The following USP34 variants were observed in gnomAD, a reference collection of about 807,000 sequenced individuals.
The protein encoded by USP34 is ubiquitin carboxyl-terminal hydrolase 34.
A neutral mutation model predicts 460.3 loss-of-function variants in USP34; 70 were observed. The ratio of observed to expected loss-of-function variants is 0.15; its 90% CI spans 0.13 to 0.19. The LOEUF is 0.19. Among genes scored for constraint, USP34 ranks in the 10% least tolerant of loss-of-function variants. The probability of loss-of-function intolerance (pLI) is 1.00; values close to 1 mark genes in which losing one functional copy is unlikely to be tolerated. For missense variants in USP34, 3,985 were observed against 4,236.2 expected, an observed-to-expected ratio of 0.94 and a Z score of 1.65; for synonymous variants, 1,647 against 1,405.3, an observed-to-expected ratio of 1.17 and a Z score of -3.85.
At chr2:61,315,945 A>G (rs1371150899) in intron 23 of USP34, among the ~76,000 whole-genome samples, 3 of 151,776 alleles carry the variant, frequency 2.0e-5, no homozygotes, top group Non-Finnish European at 2.9e-5. Context: ...CACGCCTCTA[A>G]TTGCAGCACT....
At chr2:61,393,388 G>T (rs972145563) in intron 5 of USP34, among the ~76,000 whole-genome samples, 2 of 148,174 alleles carry the variant, frequency 1.3e-5, no homozygotes, top group East Asian at 4.0e-4. Flanking sequence ...CCAAGATCAT[G>T]CCACTGCACT....
intron 14 of USP34, 41 bp from the exon 15 acceptor site, chr2:61,348,521 CAG>C: frequency 6.4e-7 from 1 of 1,565,936 alleles, no homozygotes; most frequent in Non-Finnish European, 8.6e-7. Context: ...ATATTTAAAC[CAG>C]TAAGAAAAAA....
At chr2:61,334,893 C>T (rs1181138635) in intron 18 of USP34, among the ~76,000 whole-genome samples, 3 of 152,164 alleles carry the variant, frequency 2.0e-5, no homozygotes, top group Non-Finnish European at 4.4e-5. Flanking sequence ...TTACATTATA[C>T]ATGGCTAAAG....
intron 58 of USP34, among the ~76,000 whole-genome samples, chr2:61,232,184 C>A (rs1190157776): frequency 6.6e-6 from 1 of 152,010 alleles, no homozygotes; most frequent in Non-Finnish European, 1.5e-5. Context: ...TAATAAAGAG[C>A]AGGATCTAAT....
intron 25 of USP34, among the ~76,000 whole-genome samples, chr2:61,314,010 C>T (rs1384632579): frequency 1.3e-5 from 2 of 151,882 alleles, no homozygotes; most frequent in Admixed American, 1.3e-4. Flanking sequence ...CCTTTCATTT[C>T]AGTCGATATA....
intron 35 of USP34, among the ~76,000 whole-genome samples, chr2:61,283,929 G>A (rs1042124887): frequency 1.5e-4 from 21 of 138,898 alleles, no homozygotes; most frequent in South Asian, 1.1e-3. Context: ...GGAGGGTGGG[G>A]TAGGGTAGGG....
At chr2:61,248,326 A>G (rs1014297332) in intron 49 of USP34, among the ~76,000 whole-genome samples, 185 bp downstream of exon 49, 3 of 152,190 alleles carry the variant, frequency 2.0e-5, no homozygotes, top group African/African-American at 7.2e-5. Context: ...GCCTAGGAAC[A>G]TAGTCCTAGT....
At chr2:61,291,230 C>A (rs1284942722) in intron 33 of USP34, among the ~76,000 whole-genome samples, 1 of 152,060 alleles carries the variant, frequency 6.6e-6, no homozygotes. Flanking sequence ...CAAGGAAATG[C>A]AAATCAAAAC....
chr2:61,216,297 C>T (rs1286297979), intron 67 of USP34, among the ~76,000 whole-genome samples: 2 of 152,110 alleles, frequency 1.3e-5, no homozygotes, highest in African/African-American at 2.4e-5. Context: ...AAGTAATTTA[C>T]GATTTAAAAA....
chr2:61,302,308 C>G (rs1192530204), intron 27 of USP34, among the ~76,000 whole-genome samples: 1 of 152,108 alleles, frequency 6.6e-6, no homozygotes. Context: ...TTCATAATGA[C>G]ACATAACATT....
At chr2:61,229,500 CACACACACAACACAG>C in intron 59 of USP34, 33 bp downstream of exon 59, 1 of 1,025,120 alleles carries the variant, frequency 9.8e-7, no homozygotes, top group Non-Finnish European at 1.4e-6. Flanking sequence ...AAAAACACCA[CACACACACAACACAG>C]ACACACAAAC....
Position 61,188,960 on chromosome 2 carries a change from T to G in USP34, c.9983A>C (p.Gln3328Pro), listed in dbSNP as rs746273735. 1.2e-6 allele frequency: 2 copies of G among 1,614,246 alleles called. No homozygotes were observed. Among genetic ancestry groups the G allele is most frequent in the Non-Finnish European group, 1.7e-6 (2 of 1,180,040 alleles). ...TTGCTCTTGGAGTGAGTTTCTCTGT[T>G]GCAGACAAGTCCTGCATTTGCTTAA... ...ELLSKCRTCL[Q>P]QRNSLQEQEA... Residue 3328 changes from glutamine (Q) to proline (P), a missense_variant, in exon 79 of 80, where the codon CAA becomes CCA. This residue lies in a region of USP34 where 506 missense variants were observed against 439.0 expected (regional missense o/e 1.15). Transcript: ENST00000398571.
In USP34 at chr2:61,388,958, A is replaced by C. The variant is rs1176473615; in HGVS notation, c.754-5622T>G. ...AAAATAAATTGGTATATTTTAAAAG[A>C]TAATTCAACAATAAAAATGAACATA... On this transcript the variant is annotated intron_variant, in intron 5 of 79. Transcript: ENST00000398571. Among the ~76,000 whole-genome samples the C allele has an allele frequency of 2.6e-5, 4 of 152,178 alleles. No individual in the cohort carries two copies. The South Asian group carries it at 6.2e-4, about 24-fold the overall frequency.
chr2:61,427,546 G>C (rs185055085), intron 1 of USP34, among the ~76,000 whole-genome samples: 45 of 152,300 alleles, frequency 3.0e-4, no homozygotes, highest in African/African-American at 1.1e-3. Flanking sequence ...TTCAGATAAG[G>C]AATTCAAAAT....
intron 49 of USP34, 47 bp downstream of exon 49, chr2:61,248,464 G>T: frequency 6.7e-7 from 1 of 1,491,636 alleles, no homozygotes; most frequent in Non-Finnish European, 9.0e-7. Context: ...ACCTTGTTAT[G>T]GAGATTGACA....
intron 5 of USP34, among the ~76,000 whole-genome samples, chr2:61,391,949 C>T (rs1051969166): frequency 6.6e-5 from 10 of 152,042 alleles, no homozygotes; most frequent in African/African-American, 1.4e-4. Flanking sequence ...TATAGTATTA[C>T]GGTGTTCAAA....
chr2:61,455,378 A>G (rs1254603258), intron 1 of USP34, among the ~76,000 whole-genome samples: 1 of 151,952 alleles, frequency 6.6e-6, no homozygotes, highest in Non-Finnish European at 1.5e-5. Context: ...GAATTTCACC[A>G]TGTTGCCCAG....
At chr2:61,355,115 G>T (rs1692064983) in intron 10 of USP34, among the ~76,000 whole-genome samples, 1 of 152,194 alleles carries the variant, frequency 6.6e-6, no homozygotes, top group Non-Finnish European at 1.5e-5. Flanking sequence ...ATATGCATTA[G>T]TAATTGTTGG....
chr2:61,462,202 G>C (rs1482420830), intron 1 of USP34, among the ~76,000 whole-genome samples: 1 of 150,102 alleles, frequency 6.7e-6, no homozygotes, highest in Non-Finnish European at 1.5e-5. Context: ...TCAGGCCATC[G>C]CACTCCAGCC....
Sources: gnomAD v4.1 joint callset for allele counts (sites outside exome capture counted in the v4.1 genomes callset) on GRCh38, gnomAD v4.1.1 for gene constraint, gnomAD v4.1.1 regional missense constraint, MANE v1.5 for transcripts, NCBI Gene and HGNC (gene_info 2026-07-23, HGNC 2026-07-21) for gene names.